The following PIK3R6 variants were observed in gnomAD, a reference collection of about 807,000 sequenced individuals.
PIK3R6 encodes the protein phosphoinositide-3-kinase regulatory subunit 6.
A neutral mutation model predicts 84.9 loss-of-function variants in PIK3R6; 91 were observed. That is an observed-to-expected ratio of 1.07 (90% CI 0.90 to 1.28). The LOEUF is 1.28. Ranked by LOEUF, PIK3R6 falls within the 50% of genes most tolerant of loss-of-function variation. The probability of loss-of-function intolerance (pLI) is 0.00; values close to 1 mark genes in which losing one functional copy is unlikely to be tolerated. For missense variants in PIK3R6, 996 were observed against 985.1 expected (o/e 1.01, Z -0.15); for synonymous variants, 416 against 411.4 (o/e 1.01, Z -0.13).
intron 18 of PIK3R6, 71 bp from the exon 19 acceptor site, chr17:8,804,224 C>G (rs1361897108): frequency 8.0e-7 from 1 of 1,254,102 alleles, no homozygotes; most frequent in East Asian, 2.4e-5. Flanking sequence ...ATGCCCTACC[C>G]TGGAATCTGG....
At position 8,827,213 on chromosome 17, in the gene PIK3R6, C is replaced by G. The variant is rs200683874; in HGVS notation, c.1474G>C (p.Val492Leu). 2 of 1,610,442 alleles carry G rather than the reference C, an allele frequency of 1.2e-6. No homozygotes were observed. Among genetic ancestry groups the G allele is most frequent in the African/African-American group, 1.3e-5 (1 of 74,852 alleles). Reference protein sequence around the residue: ...GRVDPWYQSNVNTLCPAIHKL... With the variant: ...GRVDPWYQSNLNTLCPAIHKL... ...TGGATGGCGGGGCACAGCGTGTTGA[C>G]GTTGCTCTGGTACCACGGGTCTACG... Residue 492 changes from valine to leucine, a missense_variant, in exon 13 of 20, where the codon GTC (valine) becomes CTC (leucine). By Grantham distance (32) the Val-to-Leu change is conservative. Coordinates refer to ENST00000619866, the MANE Select transcript of PIK3R6 (RefSeq NM_001010855.4).
At chr17:8,864,211 A>G (rs922460024) in intron 1 of PIK3R6, among the ~76,000 whole-genome samples, 1 of 152,122 alleles carries the variant, frequency 6.6e-6, no homozygotes, top group Admixed American at 6.6e-5. Flanking sequence ...TTTCAGGGTA[A>G]AAGTTGGGCA....
At chr17:8,826,544 A>G (rs1053201450) in intron 13 of PIK3R6, among the ~76,000 whole-genome samples, 1 of 152,124 alleles carries the variant, frequency 6.6e-6, no homozygotes, top group African/African-American at 2.4e-5. Flanking sequence ...ACCAAACACC[A>G]CATGTTCTCA....
At chr17:8,836,986 A>T in intron 5 of PIK3R6, 63 bp from the exon 6 acceptor site, 3 of 622,212 alleles carry the variant, frequency 4.8e-6, no homozygotes, top group Non-Finnish European at 7.0e-6. Context: ...GAGGAGGGGG[A>T]GGTGAAGGGT....
In PIK3R6 at chr17:8,828,637, TGTGCAGCCGG is replaced by T. The variant is rs758593319; in HGVS notation, c.1233_1242del (p.Arg412GlnfsTer70). ...TCTCCGAGCACAAGTACCCGGGCTG[TGTGCAGCCGG>T]GACACGCCGGGCAGCATTTCCCCAT... On this transcript the variant is annotated frameshift_variant, in exon 11 of 20. Transcript: ENST00000619866. LOFTEE classifies it high-confidence loss of function. The T allele has an allele frequency of 4.3e-6, 7 of 1,613,374 alleles. No individual in the cohort carries two copies. The Admixed American group carries it at 1.2e-4, about 27-fold the overall frequency.
chr17:8,824,857 C>A (rs2151218589), intron 13 of PIK3R6, among the ~76,000 whole-genome samples: 1 of 152,168 alleles, frequency 6.6e-6, no homozygotes, highest in East Asian at 1.9e-4. Flanking sequence ...CCTAAATATC[C>A]TTATTCGAAT....
At chr17:8,826,635 G>C (rs1333398588) in intron 13 of PIK3R6, among the ~76,000 whole-genome samples, 2 of 152,036 alleles carry the variant, frequency 1.3e-5, no homozygotes. Context: ...CTGGGGGTTG[G>C]GGGCAAGGGA....
chr17:8,852,192 G>A (rs1430176166), intron 1 of PIK3R6, among the ~76,000 whole-genome samples: 1 of 152,158 alleles, frequency 6.6e-6, no homozygotes, highest in Non-Finnish European at 1.5e-5. Flanking sequence ...AGAAGGTTCT[G>A]GAAATGGATA....
intron 18 of PIK3R6, among the ~76,000 whole-genome samples, chr17:8,805,388 G>C (rs1038275565): frequency 2.6e-5 from 4 of 152,064 alleles, no homozygotes; most frequent in African/African-American, 4.8e-5. Context: ...ACTCAGCAAT[G>C]AAGTCCCAGG....
intron 9 of PIK3R6, 108 bp from the exon 10 acceptor site, chr17:8,829,900 A>C: frequency 1.2e-6 from 1 of 800,454 alleles, no homozygotes; most frequent in Admixed American, 3.0e-5. Flanking sequence ...GGTGGCAGGG[A>C]CTCTCTCCTT....
intron 1 of PIK3R6, among the ~76,000 whole-genome samples, chr17:8,856,252 C>A (rs1459472032): frequency 1.3e-5 from 2 of 152,148 alleles, no homozygotes; most frequent in Non-Finnish European, 2.9e-5. Flanking sequence ...TTCTGGGTAC[C>A]CTTTACCCAG....
At chr17:8,805,584 CAG>C (rs2087179558) in intron 18 of PIK3R6, among the ~76,000 whole-genome samples, 1 of 152,194 alleles carries the variant, frequency 6.6e-6, no homozygotes, top group African/African-American at 2.4e-5. Flanking sequence ...GGGTAACACT[CAG>C]GGGAGAGGGG....
rs1483731492 is a variant in PIK3R6, at chr17:8,827,162, C to T, written c.1515+10G>A. 4 of 1,612,126 alleles carry T rather than the reference C, an allele frequency of 2.5e-6. No individual in the cohort carries two copies. Among genetic ancestry groups the T allele is most frequent in the Non-Finnish European group, 3.4e-6 (4 of 1,179,078 alleles). On this transcript the variant is annotated intron_variant, in intron 13 of 19. Coordinates refer to ENST00000619866, the MANE Select transcript of PIK3R6 (RefSeq NM_001010855.4). The stretch of plus-strand genomic sequence containing the variant: ...CTCTCTCCCTCCCTGGTACCCTCAC[C>T]CTCCCCTACCATCTCAGCCAGCTTG...
intron 1 of PIK3R6, among the ~76,000 whole-genome samples, chr17:8,865,745 G>C (rs1468047957): frequency 3.3e-5 from 5 of 152,116 alleles, no homozygotes; most frequent in African/African-American, 9.6e-5. Flanking sequence ...CTACTTCTCA[G>C]ATTCCCAAGG....
At chr17:8,827,743 GAGAGAGAGAGAGAGAGAGA>G (rs796929501) in intron 12 of PIK3R6, among the ~76,000 whole-genome samples, 3,857 of 96,140 alleles carry the variant, frequency 0.04, 150 homozygotes, top group Middle Eastern at 0.071. Flanking sequence ...GAGGGAAGGG[GAGAGAGAGAGAGAGAGAGA>G]GGAGAGAGAG....
At chr17:8,822,463 G>A in intron 16 of PIK3R6, 124 bp downstream of exon 16, 3 of 1,118,754 alleles carry the variant, frequency 2.7e-6, no homozygotes, top group Non-Finnish European at 3.9e-6. Context: ...GAACTCTGCG[G>A]GCAGCTTCAA....
At chr17:8,850,657 C>T (rs551757587) in intron 1 of PIK3R6, among the ~76,000 whole-genome samples, 42 of 152,122 alleles carry the variant, frequency 2.8e-4, no homozygotes, top group African/African-American at 7.0e-4. Flanking sequence ...ATGACTAGAA[C>T]GCAGAGGAAC....
intron 9 of PIK3R6, 39 bp from the exon 10 acceptor site, chr17:8,829,831 C>G: frequency 6.7e-7 from 1 of 1,500,826 alleles, no homozygotes; most frequent in Non-Finnish European, 9.0e-7. Flanking sequence ...ATGGAGGAGG[C>G]CATGGGACCC....
At chr17:8,855,944 G>A (rs972974110) in intron 1 of PIK3R6, among the ~76,000 whole-genome samples, 2 of 152,118 alleles carry the variant, frequency 1.3e-5, no homozygotes, top group Non-Finnish European at 2.9e-5. Context: ...GCCTTCAGTG[G>A]GTACGTGAAT....
Sources: gnomAD v4.1 joint callset for allele counts (sites outside exome capture counted in the v4.1 genomes callset) on GRCh38, gnomAD v4.1.1 for gene constraint, MANE v1.5 for transcripts, NCBI Gene and HGNC (gene_info 2026-07-23, HGNC 2026-07-21) for gene names.